Variants in KCNH1 observed in about 807,000 individuals in gnomAD.
KCNH1 encodes the protein voltage-gated delayed rectifier potassium channel KCNH1.
Under a neutral mutation model 69.2 loss-of-function variants are expected in KCNH1, and 27 were observed. The ratio of observed to expected loss-of-function variants is 0.39; its 90% CI spans 0.29 to 0.54. The LOEUF (loss-of-function observed/expected upper bound fraction) is 0.54. KCNH1 is among the 20% of genes least tolerant of loss of function. The probability of loss-of-function intolerance (pLI) is 0.68; values close to 1 mark genes in which losing one functional copy is unlikely to be tolerated. For missense variants in KCNH1, 798 were observed against 1,261.6 expected (o/e 0.63, Z 5.57); for synonymous variants, 456 against 487.7 (o/e 0.93, Z 0.86).
chr1:210,727,135 A>G (rs967963648), intron 10 of KCNH1, among the ~76,000 whole-genome samples: 2 of 152,208 alleles, frequency 1.3e-5, no homozygotes, highest in Admixed American at 6.5e-5. Flanking sequence ...CGAGTTCCTC[A>G]TACTGTAGGA....
intron 6 of KCNH1, among the ~76,000 whole-genome samples, chr1:211,004,575 TAAAAG>T (rs1310850836): frequency 6.7e-6 from 1 of 150,354 alleles, no homozygotes; most frequent in Non-Finnish European, 1.5e-5. Flanking sequence ...CAAAAGAAGA[TAAAAG>T]AGGAGAGGAG....
At chr1:211,069,365 G>A (rs1027485001) in intron 5 of KCNH1, among the ~76,000 whole-genome samples, 4 of 146,620 alleles carry the variant, frequency 2.7e-5, no homozygotes, top group Non-Finnish European at 4.4e-5. Context: ...AAGTCACAAG[G>A]CATATTGAAA....
At chr1:210,878,083 C>T (rs935700719) in intron 7 of KCNH1, among the ~76,000 whole-genome samples, 3 of 151,852 alleles carry the variant, frequency 2.0e-5, no homozygotes, top group Non-Finnish European at 2.9e-5. Context: ...TTAAAAGGTG[C>T]CAAGTTGCAT....
chr1:210,692,922 G>C (rs1030507621), intron 10 of KCNH1, among the ~76,000 whole-genome samples: 1 of 152,196 alleles, frequency 6.6e-6, no homozygotes, highest in African/African-American at 2.4e-5. Flanking sequence ...TTGTATGGCA[G>C]CCCTCAAACT....
At chr1:210,753,619 C>T (rs1161438632) in intron 10 of KCNH1, among the ~76,000 whole-genome samples, 1 of 152,190 alleles carries the variant, frequency 6.6e-6, no homozygotes, top group Non-Finnish European at 1.5e-5. Flanking sequence ...TCATGAATAA[C>T]TCATAGTAAA....
At chr1:210,799,026 C>T (rs1194338640) in intron 8 of KCNH1, among the ~76,000 whole-genome samples, 2 of 151,818 alleles carry the variant, frequency 1.3e-5, no homozygotes, top group East Asian at 1.9e-4. Flanking sequence ...TCCCTGTCCT[C>T]ATATGAGTTA....
chr1:210,829,998 G>A (rs1332236738), intron 7 of KCNH1, among the ~76,000 whole-genome samples: 2 of 152,118 alleles, frequency 1.3e-5, no homozygotes, highest in African/African-American at 4.8e-5. Context: ...TGTTCCACAA[G>A]GGAAAGTACC....
At chr1:211,099,172 C>T (rs1453443710) in intron 3 of KCNH1, among the ~76,000 whole-genome samples, 1 of 151,988 alleles carries the variant, frequency 6.6e-6, no homozygotes. Context: ...GTGACAAAGA[C>T]TAAATAAACA....
chr1:210,696,676 G>A (rs1681648064), intron 10 of KCNH1, among the ~76,000 whole-genome samples: 1 of 152,164 alleles, frequency 6.6e-6, no homozygotes, highest in Non-Finnish European at 1.5e-5. Flanking sequence ...CCTTGCCACT[G>A]TCAGTAATCA....
Position 210,998,857 on chromosome 1 carries a change from C to T in KCNH1, c.1032+19926G>A, listed in dbSNP as rs1015931002. Among the ~76,000 whole-genome samples the T allele has an allele frequency of 2.6e-5, 4 of 152,198 alleles. No homozygotes were observed. In the South Asian group the frequency reaches 8.3e-4, roughly 31 times the overall value. ...CAAACTAGAATTCAGGATTAAGAAA[C>T]TCACTCAAAACCGCTCAAACTACAT... is the stretch of plus-strand genomic sequence containing the variant. On this transcript the variant is annotated intron_variant, in intron 6 of 10. Transcript: ENST00000271751.
Position 210,945,658 on chromosome 1 carries a change from C to T in KCNH1, c.1033-25589G>A, listed in dbSNP as rs367686881. On this transcript the variant is annotated intron_variant, in intron 6 of 10. Transcript: ENST00000271751. ...AGGATGTCTCCAACTTTGTTTCTTA[C>T]CACTGTCCCCTCAACTCAGTCACTC... Among the ~76,000 whole-genome samples the T allele has an allele frequency of 1.1e-4, 17 of 152,316 alleles. 1 individual carries two copies. The highest frequency in any genetic ancestry group is 5.2e-4 in the Admixed American group (8 of 15,300).
At chr1:210,892,534 T>G (rs534861060) in intron 7 of KCNH1, among the ~76,000 whole-genome samples, 2 of 152,232 alleles carry the variant, frequency 1.3e-5, no homozygotes, top group Admixed American at 1.3e-4. Flanking sequence ...CACACCATAT[T>G]TTTTAAAAAA....
intron 6 of KCNH1, among the ~76,000 whole-genome samples, chr1:210,961,302 C>A (rs1335988390): frequency 1.3e-5 from 2 of 151,782 alleles, no homozygotes; most frequent in South Asian, 4.2e-4. Context: ...GTAACAGCAT[C>A]CTTCAAAGAG....
intron 5 of KCNH1, among the ~76,000 whole-genome samples, chr1:211,039,884 T>C (rs1034726555): frequency 8.5e-5 from 13 of 152,060 alleles, no homozygotes; most frequent in East Asian, 1.9e-4. Context: ...TTTGGGTTAA[T>C]GCTGAAATGA....
chr1:210,722,365 C>T (rs1682491356), intron 10 of KCNH1, among the ~76,000 whole-genome samples: 1 of 152,032 alleles, frequency 6.6e-6, no homozygotes, highest in African/African-American at 2.4e-5. Context: ...GTGAAAACCT[C>T]CCTCCATTAT....
At chr1:210,917,671 G>C (rs1687376254) in intron 7 of KCNH1, among the ~76,000 whole-genome samples, 2 of 152,100 alleles carry the variant, frequency 1.3e-5, no homozygotes, top group South Asian at 4.1e-4. Flanking sequence ...GATACAATGA[G>C]GTATTTCGAC....
chr1:210,887,894 G>C (rs1308081637), intron 7 of KCNH1, among the ~76,000 whole-genome samples: 1 of 152,044 alleles, frequency 6.6e-6, no homozygotes, highest in Non-Finnish European at 1.5e-5. Context: ...CAACACAGGA[G>C]CACCAAGATT....
intron 7 of KCNH1, among the ~76,000 whole-genome samples, chr1:210,873,012 T>C (rs1686285220): frequency 6.6e-6 from 1 of 152,236 alleles, no homozygotes. Context: ...ATTTTCAAAG[T>C]CCTACTATTC....
chr1:210,943,494 G>A (rs1281857706), intron 6 of KCNH1, among the ~76,000 whole-genome samples: 2 of 152,002 alleles, frequency 1.3e-5, no homozygotes, highest in Admixed American at 6.6e-5. Context: ...GAATACCGGC[G>A]CACACCGCCA....
Sources: allele counts gnomAD v4.1 joint callset (sites outside exome capture counted in the v4.1 genomes callset), GRCh38; gene constraint gnomAD v4.1.1; transcripts MANE v1.5; gene names NCBI Gene and HGNC (gene_info 2026-07-23, HGNC 2026-07-21).